MIPOL1: variants seen among roughly 807,000 people sequenced by gnomAD.
The protein encoded by MIPOL1 is mirror-image polydactyly gene 1 protein.
A neutral mutation model predicts 60.9 loss-of-function variants in MIPOL1; 57 were observed. The ratio of observed to expected loss-of-function variants is 0.94; its 90% CI spans 0.76 to 1.17. The LOEUF is 1.17. Ranked by LOEUF, MIPOL1 falls within the 50% of genes most tolerant of loss-of-function variation. The pLI is 0.00. For synonymous variants in MIPOL1, 179 were observed against 168.8 expected (o/e 1.06, Z -0.47); for missense variants, 551 against 511.6 (o/e 1.08, Z -0.74).
At position 37,490,320 on chromosome 14, in the gene MIPOL1, C is replaced by G. The variant is rs978700286; in HGVS notation, c.1032-9588C>G. Among the ~76,000 whole-genome samples, 3 of 152,240 alleles carry G rather than the reference C, an allele frequency of 2.0e-5. No homozygotes were observed. The East Asian group carries it at 5.8e-4, about 30-fold the overall frequency. On this transcript the variant is annotated intron_variant, in intron 11 of 12. Coordinates refer to ENST00000684589, the MANE Select transcript of MIPOL1 (RefSeq NM_001388067.1). ...CCTCCCCATACCAAGCTGGTGCATC[C>G]GAGGTCGACCTCATACTCCTGTACT... is the stretch of plus-strand genomic sequence containing the variant.
chr14:37,281,490 C>G (rs546152470), intron 6 of MIPOL1, among the ~76,000 whole-genome samples: 1 of 152,138 alleles, frequency 6.6e-6, no homozygotes, highest in Non-Finnish European at 1.5e-5. Flanking sequence ...CTGCAACCTC[C>G]GCCTCCCAGG....
intron 9 of MIPOL1, among the ~76,000 whole-genome samples, chr14:37,365,225 C>G (rs2092428900): frequency 6.6e-6 from 1 of 152,124 alleles, no homozygotes; most frequent in Admixed American, 6.5e-5. Context: ...ATTGCTCTGG[C>G]TAGTACTTCC....
rs189234751 is a variant in MIPOL1, at chr14:37,249,669, T to C, written c.19+1762T>C. Among the ~76,000 whole-genome samples the C allele has an allele frequency of 2.0e-5, 3 of 152,322 alleles. No homozygotes were observed. In the East Asian group the frequency reaches 5.8e-4, roughly 29 times the overall value. On this transcript the variant is annotated intron_variant, in intron 3 of 12. Transcript: ENST00000684589. ...GCGTATATTATGTGACACTTAATTT[T>C]GGTGTGCTCTATATATTCAAGTTGT...
At chr14:37,446,783 A>G (rs1272885787) in intron 11 of MIPOL1, among the ~76,000 whole-genome samples, 2 of 152,152 alleles carry the variant, frequency 1.3e-5, no homozygotes, top group Non-Finnish European at 2.9e-5. Context: ...AGGGACATGG[A>G]TGAAATTGGA....
chr14:37,388,942 C>T (rs2093155820), intron 10 of MIPOL1, among the ~76,000 whole-genome samples: 1 of 152,048 alleles, frequency 6.6e-6, no homozygotes, highest in Non-Finnish European at 1.5e-5. Flanking sequence ...CTTCTGCCTT[C>T]TCAACTTACC....
chr14:37,416,151 T>A (rs1016204709), intron 10 of MIPOL1, among the ~76,000 whole-genome samples: 1 of 152,226 alleles, frequency 6.6e-6, no homozygotes, highest in African/African-American at 2.4e-5. Context: ...TAAAGTATTA[T>A]AAATTCTGGT....
chr14:37,404,250 A>G (rs2093547521), intron 10 of MIPOL1, among the ~76,000 whole-genome samples: 1 of 152,126 alleles, frequency 6.6e-6, no homozygotes, highest in Non-Finnish European at 1.5e-5. Flanking sequence ...GTTTACTGCA[A>G]TGAAATAAAT....
At chr14:37,228,980 A>G (rs1460579461) in intron 1 of MIPOL1, among the ~76,000 whole-genome samples, 9 of 152,230 alleles carry the variant, frequency 5.9e-5, no homozygotes, top group African/African-American at 2.2e-4. Flanking sequence ...CAATAAAGAA[A>G]AGTTAATAGA....
chr14:37,285,425 C>G lies in MIPOL1; in HGVS notation c.601C>G (p.His201Asp), dbSNP rs2084471011. The G allele has an allele frequency of 6.2e-7, 1 of 1,613,720 alleles. No homozygotes were observed. Among genetic ancestry groups the G allele is most frequent in the South Asian group, 1.1e-5 (1 of 91,070 alleles). The change falls in exon 7 of 13, where the codon CAT (histidine) becomes GAT (aspartate). Residue 201 changes from histidine (H) to aspartate (D), a missense_variant. By Grantham distance (81) the His-to-Asp change is moderately conservative (BLOSUM62 -1). Transcript: ENST00000684589. ...AGATGAAGCAATTGCACGAGCCAAG[C>G]ATATGGAAATGTCTCTAAAAGTGTA... is the stretch of plus-strand genomic sequence containing the variant. ...ERDEAIARAK[H>D]MEMSLKVLEN...
intron 1 of MIPOL1, among the ~76,000 whole-genome samples, chr14:37,226,248 C>T (rs1019843437): frequency 6.6e-6 from 1 of 152,192 alleles, no homozygotes; most frequent in Non-Finnish European, 1.5e-5. Context: ...AGCAGCACCC[C>T]ACTCTGCTGG....
chr14:37,266,827 CTA>C (rs2082910488), intron 3 of MIPOL1, 109 bp from the exon 4 acceptor site: 1 of 723,436 alleles, frequency 1.4e-6, no homozygotes, highest in Non-Finnish European at 2.3e-6. Context: ...AGACTAGAAA[CTA>C]TATGTTTAAA....
At chr14:37,391,978 A>G (rs1347172127) in intron 10 of MIPOL1, among the ~76,000 whole-genome samples, 1 of 152,232 alleles carries the variant, frequency 6.6e-6, no homozygotes, top group African/African-American at 2.4e-5. Flanking sequence ...TAAATTAAAT[A>G]TTAAAGTAAT....
chr14:37,509,500 G>A (rs548873049), intron 12 of MIPOL1, among the ~76,000 whole-genome samples: 1 of 151,776 alleles, frequency 6.6e-6, no homozygotes, highest in Admixed American at 6.6e-5. Flanking sequence ...ATGAATTATA[G>A]AACAGGATAG....
At chr14:37,468,914 A>T (rs1337829540) in intron 11 of MIPOL1, among the ~76,000 whole-genome samples, 1 of 152,214 alleles carries the variant, frequency 6.6e-6, no homozygotes, top group Non-Finnish European at 1.5e-5. Context: ...ACTGGAGTGT[A>T]GAGGTAAATA....
chr14:37,351,062 C>G (rs1424615283), intron 9 of MIPOL1, among the ~76,000 whole-genome samples: 3 of 117,730 alleles, frequency 2.5e-5, no homozygotes, highest in African/African-American at 9.7e-5. Context: ...TCCCCCCTCC[C>G]CCCACCCCAC....
In MIPOL1 at chr14:37,550,009, A is replaced by T. The variant is rs905902287; in HGVS notation, c.*3038A>T. ...CAAAGTTATTGGTTATAAGCAAGGT[A>T]TAAGCAGTTAAAGCAAAGTTATTAA... is the stretch of plus-strand genomic sequence containing the variant. On this transcript the variant is annotated 3_prime_UTR_variant, in exon 13 of 13. Transcript: ENST00000684589. The T allele has an allele frequency of 6.6e-6, 1 of 151,972 alleles. No individual in the cohort carries two copies. The highest frequency in any genetic ancestry group is 1.5e-5 in the Non-Finnish European group (1 of 67,858). 9.4% of individuals were successfully genotyped at this position (151,972 alleles called of 1,614,324 possible).
chr14:37,292,624 G>A (rs1174561824), intron 7 of MIPOL1, among the ~76,000 whole-genome samples: 1 of 151,688 alleles, frequency 6.6e-6, no homozygotes, highest in Non-Finnish European at 1.5e-5. Context: ...GGGATTATAG[G>A]CACCTGCCAC....
At chr14:37,374,578 G>C (rs564684112) in intron 10 of MIPOL1, among the ~76,000 whole-genome samples, 59 of 152,178 alleles carry the variant, frequency 3.9e-4, no homozygotes, top group Non-Finnish European at 6.3e-4. Context: ...GTAAGGAAGG[G>C]GTCCAGTTTC....
intron 9 of MIPOL1, among the ~76,000 whole-genome samples, chr14:37,355,578 T>C (rs113152381): frequency 0.97 from 134,806 of 138,942 alleles, 65,464 homozygotes; most frequent in East Asian, 1. Flanking sequence ...TCACATAGTC[T>C]CATATTTCTT....
Sources: gnomAD v4.1 joint callset for allele counts (sites outside exome capture counted in the v4.1 genomes callset) on GRCh38, gnomAD v4.1.1 for gene constraint, MANE v1.5 for transcripts, NCBI Gene and HGNC (gene_info 2026-07-23, HGNC 2026-07-21) for gene names.